The following MAP3K1 variants were observed in gnomAD, a reference collection of about 807,000 sequenced individuals.
The protein encoded by MAP3K1 is mitogen-activated protein kinase kinase kinase 1, also known as MAP/ERK kinase kinase 1.
Under a neutral mutation model 144.2 loss-of-function variants are expected in MAP3K1, and 36 were observed. The observed-to-expected ratio is 0.25, with a 90% confidence interval of 0.19 to 0.33. The LOEUF (loss-of-function observed/expected upper bound fraction) is 0.33, where lower values mean the gene tolerates loss of function less well. MAP3K1 is among the 10% of genes least tolerant of loss of function. MAP3K1 has a pLI of 1.00. For missense variants in MAP3K1, 1,650 were observed against 1,881.9 expected, an observed-to-expected ratio of 0.88 and a Z score of 2.28; for synonymous variants, 718 against 688.7, an observed-to-expected ratio of 1.04 and a Z score of -0.67.
intron 3 of MAP3K1, among the ~76,000 whole-genome samples, chr5:56,861,219 C>G (rs1186450923): frequency 6.6e-6 from 1 of 152,098 alleles, no homozygotes; most frequent in Non-Finnish European, 1.5e-5. Context: ...GTTTCAGATT[C>G]CACATTACAA....
At chr5:56,865,481 T>A in intron 5 of MAP3K1, 25 bp downstream of exon 5, 2 of 1,214,246 alleles carry the variant, frequency 1.6e-6, no homozygotes, top group Non-Finnish European at 2.5e-6. Context: ...ATGCTTAGAG[T>A]AAAATTGTTA....
intron 1 of MAP3K1, among the ~76,000 whole-genome samples, chr5:56,823,537 G>A (rs1226730251): frequency 6.6e-6 from 1 of 152,190 alleles, no homozygotes; most frequent in Non-Finnish European, 1.5e-5. Context: ...CTGGCATAGG[G>A]TAGACACTGC....
chr5:56,889,884 A>G (rs1748494386), intron 19 of MAP3K1, among the ~76,000 whole-genome samples: 1 of 152,118 alleles, frequency 6.6e-6, no homozygotes, highest in Non-Finnish European at 1.5e-5. Context: ...CACACTTATT[A>G]TATAACCTCC....
intron 1 of MAP3K1, among the ~76,000 whole-genome samples, chr5:56,842,421 A>T (rs1214657171): frequency 6.6e-6 from 1 of 152,208 alleles, no homozygotes; most frequent in African/African-American, 2.4e-5. Flanking sequence ...CCCAATGAAG[A>T]TGAGGACTCT....
In MAP3K1 at chr5:56,875,066, C is replaced by G. The variant is rs1280630844; in HGVS notation, c.1721C>G (p.Ser574Cys). 2.5e-6 allele frequency: 4 copies of G among 1,614,048 alleles called. No homozygotes were observed. The highest frequency in any genetic ancestry group is 3.4e-6 in the Non-Finnish European group (4 of 1,180,040). The change falls in exon 10 of 20, where the codon TCT (serine) becomes TGT (cysteine). Residue 574 changes from serine (S) to cysteine (C), a missense_variant. This residue lies in a region of MAP3K1 where 841 missense variants were observed against 886.5 expected (regional missense o/e 0.95). Transcript: ENST00000399503. Reference sequence around the variant, plus strand: ...ATGGAACTCGTTGGCTGCTTATTTTCTAGAAACTGGAATGTGAGAGAGATG... The same window carrying G: ...ATGGAACTCGTTGGCTGCTTATTTTGTAGAAACTGGAATGTGAGAGAGATG... ...FGMELVGCLF[S>C]RNWNVREMAL...
intron 14 of MAP3K1, 103 bp from the exon 15 acceptor site, chr5:56,883,424 G>A (rs1162075088): frequency 9.4e-7 from 1 of 1,069,298 alleles, no homozygotes; most frequent in Non-Finnish European, 1.4e-6. Context: ...ACATTTATAG[G>A]TGGTTTGGGA....
At chr5:56,891,834 C>G (rs1748558556) in intron 19 of MAP3K1, among the ~76,000 whole-genome samples, 2 of 152,132 alleles carry the variant, frequency 1.3e-5, no homozygotes, top group Admixed American at 1.3e-4. Context: ...TGTCAAAGAT[C>G]AGATGGTTGT....
intron 2 of MAP3K1, among the ~76,000 whole-genome samples, chr5:56,859,154 T>G (rs1468700604): frequency 6.6e-6 from 1 of 151,560 alleles, no homozygotes; most frequent in East Asian, 1.9e-4. Context: ...TTTGGTTTTC[T>G]GAGATACACA....
At chr5:56,819,579 G>T (rs1746092558) in intron 1 of MAP3K1, among the ~76,000 whole-genome samples, 1 of 152,114 alleles carries the variant, frequency 6.6e-6, no homozygotes, top group South Asian at 2.1e-4. Context: ...AAAATATGGG[G>T]CATTCAGAAA....
At chr5:56,861,568 T>TCA (rs1747512091) in intron 3 of MAP3K1, among the ~76,000 whole-genome samples, 1 of 114,196 alleles carries the variant, frequency 8.8e-6, no homozygotes, top group Non-Finnish European at 1.7e-5. Context: ...GTGAGACTCC[T>TCA]AAAAAAAAAA....
At chr5:56,825,106 C>T (rs1325430347) in intron 1 of MAP3K1, among the ~76,000 whole-genome samples, 2 of 152,156 alleles carry the variant, frequency 1.3e-5, no homozygotes, top group Non-Finnish European at 2.9e-5. Flanking sequence ...CTCCCAGGTT[C>T]AGGCAATTCT....
At position 56,872,110 on chromosome 5, in the gene MAP3K1, T is replaced by G; in HGVS notation, c.1423+79T>G. 3 of 1,573,508 alleles carry G rather than the reference T, an allele frequency of 1.9e-6. No homozygotes were observed. In the East Asian group the frequency reaches 6.7e-5, roughly 35 times the overall value. ...AACTATGTTATTTAAGAGTGTAACA[T>G]GGCTTGAGGGGAAATTGGTGAGAGA... On this transcript the variant is annotated intron_variant, in intron 7 of 19. Coordinates refer to ENST00000399503, the MANE Select transcript of MAP3K1 (RefSeq NM_005921.2).
intron 1 of MAP3K1, among the ~76,000 whole-genome samples, chr5:56,837,811 A>G (rs1746698531): frequency 6.6e-6 from 1 of 152,206 alleles, no homozygotes; most frequent in Admixed American, 6.5e-5. Flanking sequence ...GAAACAGATA[A>G]GAGGCCATTA....
chr5:56,881,367 A>G, intron 13 of MAP3K1, 95 bp downstream of exon 13: 1 of 1,144,202 alleles, frequency 8.7e-7, no homozygotes. Flanking sequence ...AAAGACTCAG[A>G]GCATGAATAG....
intron 1 of MAP3K1, among the ~76,000 whole-genome samples, chr5:56,833,906 C>G (rs1259913856): frequency 6.6e-6 from 1 of 152,056 alleles, no homozygotes; most frequent in Non-Finnish European, 1.5e-5. Context: ...GAATGCCTGC[C>G]TGTCACATGT....
intron 1 of MAP3K1, chr5:56,820,774 GT>G (rs759314003): frequency 1.0e-6 from 1 of 985,426 alleles, no homozygotes; most frequent in Non-Finnish European, 1.2e-6. Context: ...GTGGTCTTGA[GT>G]GGTGGAGAAA....
chr5:56,894,316 T>C lies in MAP3K1; in HGVS notation c.*636T>C, dbSNP rs1277675534. The C allele has an allele frequency of 4.3e-6, 1 of 232,878 alleles. No homozygotes were observed. Among genetic ancestry groups the C allele is most frequent in the African/African-American group, 2.2e-5 (1 of 45,356 alleles). The allele number at this position is 232,878 out of a possible 1,614,324, so 14.4% of individuals were successfully genotyped here. On this transcript the variant is annotated 3_prime_UTR_variant, in exon 20 of 20. Coordinates refer to ENST00000399503, the MANE Select transcript of MAP3K1 (RefSeq NM_005921.2). Reference sequence around the variant, plus strand: ...AAATTATGGTTTTGTATTTTCATGTTTATTTACATTCATTTTTGTTTATTC... The same window carrying C: ...AAATTATGGTTTTGTATTTTCATGTCTATTTACATTCATTTTTGTTTATTC...
rs1746127249 is a variant in MAP3K1, at chr5:56,820,650, T to C, written c.482+4595T>C. The C allele has an allele frequency of 3.0e-6, 3 of 985,240 alleles. No homozygotes were observed. In the African/African-American group the frequency reaches 5.2e-5, roughly 17 times the overall value. The allele number at this position is 985,240 out of a possible 1,614,324, so 61.0% of individuals were successfully genotyped here. A position where few individuals can be genotyped will look rare whatever the true frequency, so the allele number is the denominator to read the frequency against. On this transcript the variant is annotated intron_variant, in intron 1 of 19. Coordinates refer to ENST00000399503, the MANE Select transcript of MAP3K1 (RefSeq NM_005921.2). ...GAAAGGAGATAAGCTGAAATTAATA[T>C]GGTTCATTCATGGTAATCACACAGG... is the stretch of plus-strand genomic sequence containing the variant.
intron 1 of MAP3K1, among the ~76,000 whole-genome samples, chr5:56,827,173 C>T (rs1746342172): frequency 6.6e-6 from 1 of 151,772 alleles, no homozygotes; most frequent in Non-Finnish European, 1.5e-5. Context: ...AGAGTGGAGG[C>T]AGGGTCCAGG....
Sources: allele counts gnomAD v4.1 joint callset (sites outside exome capture counted in the v4.1 genomes callset), GRCh38; gene constraint gnomAD v4.1.1; regional missense constraint gnomAD v4.1.1; transcripts MANE v1.5; gene names NCBI Gene and HGNC (gene_info 2026-07-23, HGNC 2026-07-21).